ARHGAP42: variants seen among roughly 807,000 people sequenced by gnomAD.
ARHGAP42 encodes Rho GTPase activating protein 42.
Under a neutral mutation model 125.0 loss-of-function variants are expected in ARHGAP42, and 63 were observed. The ratio of observed to expected loss-of-function variants is 0.50; its 90% CI spans 0.41 to 0.62. The LOEUF (loss-of-function observed/expected upper bound fraction) is 0.62, where lower values mean the gene tolerates loss of function less well. ARHGAP42 is among the 20% of genes least tolerant of loss of function. The pLI is 0.00. For missense variants in ARHGAP42, 766 were observed against 1,024.2 expected (o/e 0.75, Z 3.44); for synonymous variants, 339 against 351.0 (o/e 0.97, Z 0.38).
At chr11:100,960,775 A>G (rs1857933855) in intron 13 of ARHGAP42, 140 bp from the exon 14 acceptor site, 1 of 478,562 alleles carries the variant, frequency 2.1e-6, no homozygotes, top group Non-Finnish European at 3.7e-6. Context: ...GGGTATTTCC[A>G]GGATAGCTTT....
At chr11:100,904,157 A>G (rs1866653842) in intron 4 of ARHGAP42, among the ~76,000 whole-genome samples, 1 of 152,042 alleles carries the variant, frequency 6.6e-6, no homozygotes, top group Non-Finnish European at 1.5e-5. Flanking sequence ...ATGCTGTCAT[A>G]TGCTTTCAAC....
At chr11:100,931,127 A>G (rs939652340) in intron 6 of ARHGAP42, among the ~76,000 whole-genome samples, 2 of 152,190 alleles carry the variant, frequency 1.3e-5, no homozygotes, top group Non-Finnish European at 2.9e-5. Flanking sequence ...CATGAAGCAC[A>G]GTTTGTATAT....
chr11:100,899,718 TTTTG>T (rs1565265895), intron 4 of ARHGAP42, among the ~76,000 whole-genome samples: 1 of 74,248 alleles, frequency 1.3e-5, no homozygotes, highest in Non-Finnish European at 2.6e-5. Context: ...TTGTTTTGTG[TTTTG>T]TTTTTTTTTT....
chr11:100,926,381 C>G (rs1867422617), intron 6 of ARHGAP42, among the ~76,000 whole-genome samples: 1 of 152,196 alleles, frequency 6.6e-6, no homozygotes, highest in Non-Finnish European at 1.5e-5. Context: ...TGGCATAGTA[C>G]CACTTCCTCA....
At chr11:100,962,975 G>T (rs915337175) in intron 16 of ARHGAP42, among the ~76,000 whole-genome samples, 2 of 152,298 alleles carry the variant, frequency 1.3e-5, no homozygotes, top group East Asian at 3.9e-4. Context: ...GAAATATTTT[G>T]ACACTTAGTG....
At chr11:100,711,114 G>A (rs189116667) in intron 1 of ARHGAP42, among the ~76,000 whole-genome samples, 1 of 152,320 alleles carries the variant, frequency 6.6e-6, no homozygotes. Flanking sequence ...CCAGAGCTTA[G>A]GACTGGTGAT....
chr11:100,825,144 GAAATA>G (rs1220211001), intron 3 of ARHGAP42, among the ~76,000 whole-genome samples: 1 of 152,128 alleles, frequency 6.6e-6, no homozygotes, highest in East Asian at 1.9e-4. Context: ...CTAGAAATTA[GAAATA>G]CCTTTACTTA....
chr11:100,728,713 CGT>C (rs1491444939), intron 1 of ARHGAP42, among the ~76,000 whole-genome samples: 3,153 of 95,076 alleles, frequency 0.033, 252 homozygotes, highest in East Asian at 0.1. Flanking sequence ...AATGACTTTG[CGT>C]ATATATATAT....
Position 100,992,512 on chromosome 11 carries a change from T to G in ARHGAP42, c.*3711T>G, listed in dbSNP as rs1167886626. 1 of 1,614,096 alleles carries G rather than the reference T, an allele frequency of 6.2e-7. No homozygotes were observed. Among genetic ancestry groups the G allele is most frequent in the Non-Finnish European group, 8.5e-7 (1 of 1,179,992 alleles). On this transcript the variant is annotated 3_prime_UTR_variant, in exon 24 of 24. Coordinates refer to ENST00000298815, the MANE Select transcript of ARHGAP42 (RefSeq NM_152432.4). Reference sequence around the variant, plus strand: ...AGACACTTTTAAGAAACAAAGATAGTTTTCTGAACATTCTGTGTCCTGCCT... The same window carrying G: ...AGACACTTTTAAGAAACAAAGATAGGTTTCTGAACATTCTGTGTCCTGCCT...
intron 1 of ARHGAP42, among the ~76,000 whole-genome samples, chr11:100,691,012 T>TGATAGTTGG (rs1861180173): frequency 6.6e-6 from 1 of 152,236 alleles, no homozygotes; most frequent in Non-Finnish European, 1.5e-5. Flanking sequence ...AAGTACAGTG[T>TGATAGTTGG]GATAGTTGGC....
intron 4 of ARHGAP42, among the ~76,000 whole-genome samples, chr11:100,903,822 T>C (rs7938783): frequency 0.8 from 117,060 of 146,780 alleles, 47,152 homozygotes; most frequent in East Asian, 1. Flanking sequence ...AGGCTGTCTG[T>C]AAGCTGAGGA....
chr11:100,799,875 C>A lies in ARHGAP42; in HGVS notation c.312+4709C>A, dbSNP rs562724378. 2.0e-5 allele frequency among the ~76,000 whole-genome samples: 3 copies of A among 152,178 alleles called. No individual in the cohort carries two copies. In the South Asian group the frequency reaches 6.2e-4, roughly 32 times the overall value. ...AGAAAAGAAAGAGGGTTGATAAAAA[C>A]GTAGTAGAAATGTGAAATGGTAAAA... On this transcript the variant is annotated intron_variant, in intron 3 of 23. Coordinates refer to ENST00000298815, the MANE Select transcript of ARHGAP42 (RefSeq NM_152432.4).
chr11:100,883,466 C>G (rs954947399), intron 4 of ARHGAP42, among the ~76,000 whole-genome samples: 17 of 152,076 alleles, frequency 1.1e-4, no homozygotes, highest in African/African-American at 3.9e-4. Context: ...CCTCAGCCTC[C>G]CAAGTAGCTG....
At chr11:100,839,661 TC>T (rs1363519080) in intron 3 of ARHGAP42, 1 of 152,238 alleles carries the variant, frequency 6.6e-6, no homozygotes, top group Non-Finnish European at 1.5e-5. Flanking sequence ...GTGACATCTG[TC>T]ACCCCATTGA....
At chr11:100,895,567 AT>A (rs1374269899) in intron 4 of ARHGAP42, among the ~76,000 whole-genome samples, 2 of 148,310 alleles carry the variant, frequency 1.3e-5, no homozygotes, top group Non-Finnish European at 3.0e-5. Context: ...AGCTGAGGTC[AT>A]TCTGCAGTAC....
At chr11:100,813,983 G>A (rs895084333) in intron 3 of ARHGAP42, among the ~76,000 whole-genome samples, 2 of 152,048 alleles carry the variant, frequency 1.3e-5, no homozygotes, top group African/African-American at 2.4e-5. Context: ...GCATGAGATC[G>A]AGATCAAGAC....
intron 4 of ARHGAP42, among the ~76,000 whole-genome samples, chr11:100,877,953 C>T (rs929624214): frequency 2.8e-5 from 4 of 141,880 alleles, no homozygotes; most frequent in Admixed American, 1.5e-4. Flanking sequence ...TGCAGTGAGC[C>T]GAGATCATAC....
intron 4 of ARHGAP42, among the ~76,000 whole-genome samples, chr11:100,899,166 T>G (rs1400236495): frequency 2.6e-5 from 4 of 152,228 alleles, no homozygotes; most frequent in Admixed American, 6.5e-5. Context: ...GTGAGTTTCT[T>G]AATCCTGAGT....
At chr11:100,829,369 A>G (rs1044243156) in intron 3 of ARHGAP42, among the ~76,000 whole-genome samples, 1 of 152,112 alleles carries the variant, frequency 6.6e-6, no homozygotes, top group East Asian at 1.9e-4. Context: ...TCAAAAAAAA[A>G]AAAAAGACTT....
Sources: gnomAD v4.1 joint callset for allele counts (sites outside exome capture counted in the v4.1 genomes callset) on GRCh38, gnomAD v4.1.1 for gene constraint, MANE v1.5 for transcripts, NCBI Gene and HGNC (gene_info 2026-07-23, HGNC 2026-07-21) for gene names.